EYA1: variants seen among roughly 807,000 people sequenced by gnomAD.
The protein encoded by EYA1 is protein phosphatase EYA1.
In EYA1, 16 loss-of-function variants were observed where a neutral mutation model predicts 82.0. That is an observed-to-expected ratio of 0.20 (90% CI 0.13 to 0.30). EYA1 has a LOEUF of 0.30. EYA1 is among the 10% of genes least tolerant of loss of function. EYA1 has a pLI of 1.00. For missense variants in EYA1, 633 were observed against 730.7 expected (o/e 0.87, Z 1.54); for synonymous variants, 261 against 264.4 (o/e 0.99, Z 0.12).
chr8:71,474,092 A>C (rs528879698), intron 2 of EYA1, among the ~76,000 whole-genome samples: 1 of 152,084 alleles, frequency 6.6e-6, no homozygotes, highest in African/African-American at 2.4e-5. Flanking sequence ...AGAAATACCT[A>C]ATGTAGATGA....
chr8:71,368,237 G>GTT (rs5892275), intron 2 of EYA1, among the ~76,000 whole-genome samples: 3 of 151,732 alleles, frequency 2.0e-5, no homozygotes, highest in Non-Finnish European at 2.9e-5. Context: ...CTGGTGGCTT[G>GTT]TTTTTTTAAT....
intron 3 of EYA1, among the ~76,000 whole-genome samples, chr8:71,337,320 C>G (rs1406420080): frequency 6.6e-6 from 1 of 152,168 alleles, no homozygotes; most frequent in Non-Finnish European, 1.5e-5. Flanking sequence ...CTTTTGTTCT[C>G]TTTTGCCCCC....
chr8:71,287,450 T>C (rs1034033107), intron 9 of EYA1, among the ~76,000 whole-genome samples: 1 of 152,210 alleles, frequency 6.6e-6, no homozygotes, highest in Admixed American at 6.5e-5. Flanking sequence ...TCGAGGTCTC[T>C]AGGTAAATTA....
At chr8:71,541,122 C>T (rs1287020604) in intron 1 of EYA1, among the ~76,000 whole-genome samples, 1 of 152,146 alleles carries the variant, frequency 6.6e-6, no homozygotes. Context: ...ATCAAAGAAA[C>T]AGAGATTGGG....
At chr8:71,220,356 T>C (rs1809740336) in intron 12 of EYA1, among the ~76,000 whole-genome samples, 1 of 152,218 alleles carries the variant, frequency 6.6e-6, no homozygotes, top group Non-Finnish European at 1.5e-5. Flanking sequence ...GCCACTCCAG[T>C]TCAGCATATT....
intron 2 of EYA1, among the ~76,000 whole-genome samples, chr8:71,482,792 T>C (rs538622784): frequency 1.3e-5 from 2 of 152,252 alleles, no homozygotes; most frequent in South Asian, 2.1e-4. Flanking sequence ...AAAGAACATA[T>C]ACTATAGGAT....
chr8:71,349,178 ACT>A (rs956925852), intron 3 of EYA1, among the ~76,000 whole-genome samples: 4 of 152,134 alleles, frequency 2.6e-5, no homozygotes, highest in African/African-American at 7.2e-5. Flanking sequence ...CACAGGAAGG[ACT>A]CTCACACACT....
At chr8:71,281,039 G>A (rs936153344) in intron 9 of EYA1, among the ~76,000 whole-genome samples, 7 of 152,180 alleles carry the variant, frequency 4.6e-5, no homozygotes, top group African/African-American at 1.7e-4. Flanking sequence ...TTATAGGCAT[G>A]AGCCACCATG....
chr8:71,362,655 T>A (rs1310509771), upstream of EYA1, among the ~76,000 whole-genome samples: 3 of 152,206 alleles, frequency 2.0e-5, no homozygotes, highest in African/African-American at 7.2e-5. Flanking sequence ...CCGAAATGAT[T>A]TCTAGAATGG....
At chr8:71,408,284 G>T (rs377567822) in intron 2 of EYA1, among the ~76,000 whole-genome samples, 1 of 151,752 alleles carries the variant, frequency 6.6e-6, no homozygotes, top group African/African-American at 2.4e-5. Context: ...AAATGTAAAG[G>T]CCATCGAGAC....
intron 2 of EYA1, among the ~76,000 whole-genome samples, chr8:71,382,873 GTAT>G (rs1355282729): frequency 6.6e-6 from 1 of 151,964 alleles, no homozygotes; most frequent in Non-Finnish European, 1.5e-5. Context: ...TTGATTCTTA[GTAT>G]TATAACAGTA....
intron 11 of EYA1, among the ~76,000 whole-genome samples, chr8:71,254,530 A>C (rs1171720148): frequency 6.6e-6 from 1 of 152,146 alleles, no homozygotes; most frequent in Non-Finnish European, 1.5e-5. Context: ...AAACAAAACT[A>C]CTGGAGAAAA....
At chr8:71,326,944 A>AT (rs1268362653) in intron 4 of EYA1, among the ~76,000 whole-genome samples, 1 of 152,128 alleles carries the variant, frequency 6.6e-6, no homozygotes, top group Non-Finnish European at 1.5e-5. Flanking sequence ...CAAGCCCTCC[A>AT]TTATCCTATC....
At chr8:71,456,188 T>C (rs1807887050) in intron 2 of EYA1, among the ~76,000 whole-genome samples, 1 of 152,032 alleles carries the variant, frequency 6.6e-6, no homozygotes. Flanking sequence ...TACCTAGGAA[T>C]CCAACTTACA....
chr8:71,254,243 C>CAAAAAAAAAAAAAAAAAAAAAAAAA (rs56047377), intron 11 of EYA1, among the ~76,000 whole-genome samples: 1 of 51,460 alleles, frequency 1.9e-5, no homozygotes, highest in Non-Finnish European at 3.3e-5. Context: ...AAGTCTTGGC[C>CAAAAAAAAAAAAAAAAAAAAAAAAA]AAAAAAAAAA....
chr8:71,377,152 A>G (rs938616259), intron 2 of EYA1, among the ~76,000 whole-genome samples: 18 of 152,234 alleles, frequency 1.2e-4, no homozygotes, highest in African/African-American at 4.1e-4. Context: ...GCAAGCAGAT[A>G]CTAAATGGTG....
At chr8:71,496,145 T>C (rs1052196704) in intron 2 of EYA1, among the ~76,000 whole-genome samples, 1 of 152,230 alleles carries the variant, frequency 6.6e-6, no homozygotes, top group African/African-American at 2.4e-5. Context: ...GAAGAGGTCA[T>C]ATAATTAAAT....
intron 2 of EYA1, among the ~76,000 whole-genome samples, chr8:71,377,499 A>G (rs538084621): frequency 1.3e-4 from 20 of 152,310 alleles, no homozygotes; most frequent in South Asian, 1.0e-3. Context: ...AATGATTCCA[A>G]TCGCAAGGAT....
At chr8:71,394,479 G>A (rs1209571223) in intron 2 of EYA1, among the ~76,000 whole-genome samples, 3 of 152,100 alleles carry the variant, frequency 2.0e-5, no homozygotes, top group African/African-American at 4.8e-5. Flanking sequence ...TAAGGTGTAA[G>A]GAAGGGATCC....
Sources: allele counts gnomAD v4.1 joint callset (sites outside exome capture counted in the v4.1 genomes callset), GRCh38; gene constraint gnomAD v4.1.1; transcripts MANE v1.5; gene names NCBI Gene and HGNC (gene_info 2026-07-23, HGNC 2026-07-21).